KMT5B: variants seen among roughly 807,000 people sequenced by gnomAD.
The protein encoded by KMT5B is histone-lysine N-methyltransferase KMT5B.
KMT5B carries 10 observed loss-of-function variants against 83.2 expected under a neutral mutation model. That is an observed-to-expected ratio of 0.12 (90% CI 0.07 to 0.20). The LOEUF is 0.20. KMT5B is among the 10% of genes least tolerant of loss of function. The probability of loss-of-function intolerance (pLI) is 1.00; values close to 1 mark genes in which losing one functional copy is unlikely to be tolerated. For synonymous variants in KMT5B, 349 were observed against 388.8 expected (o/e 0.90, Z 1.20); for missense variants, 753 against 1,067.2 (o/e 0.71, Z 4.10).
At chr11:68,168,969 G>A (rs191951819) in intron 9 of KMT5B, among the ~76,000 whole-genome samples, 1 of 152,288 alleles carries the variant, frequency 6.6e-6, no homozygotes, top group Admixed American at 6.5e-5. Flanking sequence ...TGAGCTCCTA[G>A]ATGCATCTTC....
chr11:68,207,716 A>T (rs1860312763), intron 1 of KMT5B, among the ~76,000 whole-genome samples: 1 of 147,624 alleles, frequency 6.8e-6, no homozygotes, highest in African/African-American at 2.5e-5. Flanking sequence ...GCTTGAACCC[A>T]GGAGGCAGAG....
intron 10 of KMT5B, among the ~76,000 whole-genome samples, chr11:68,164,994 T>C (rs1054183580): frequency 3.3e-5 from 5 of 151,656 alleles, no homozygotes; most frequent in African/African-American, 1.2e-4. Context: ...TAAATATTAA[T>C]AGTTAAATAT....
At chr11:68,181,423 T>C (rs1349746651) in intron 3 of KMT5B, among the ~76,000 whole-genome samples, 29 of 152,076 alleles carry the variant, frequency 1.9e-4, no homozygotes, top group Non-Finnish European at 7.4e-5. Flanking sequence ...CTGAAAGAAG[T>C]AAAAGGAAGG....
intron 1 of KMT5B, among the ~76,000 whole-genome samples, chr11:68,210,088 A>C (rs994092606): frequency 5.3e-5 from 8 of 151,832 alleles, no homozygotes; most frequent in Non-Finnish European, 1.2e-4. Flanking sequence ...CTCGTGATCC[A>C]CCCGCCTCGG....
At chr11:68,194,056 C>T (rs1858408563) in intron 1 of KMT5B, among the ~76,000 whole-genome samples, 1 of 152,026 alleles carries the variant, frequency 6.6e-6, no homozygotes, top group African/African-American at 2.4e-5. Context: ...CTTGGATCCC[C>T]AGCAGTTTTG....
chr11:68,206,707 C>T (rs1017126824), intron 1 of KMT5B, among the ~76,000 whole-genome samples: 5 of 152,102 alleles, frequency 3.3e-5, no homozygotes, highest in African/African-American at 1.2e-4. Flanking sequence ...TTCCAAGTAA[C>T]TAAGGCAAAA....
rs1416701173 is a variant in KMT5B, at chr11:68,167,163, A to T, written c.993T>A (p.Ala331=). The T allele has an allele frequency of 6.2e-7, 1 of 1,611,578 alleles. No homozygotes were observed. Among genetic ancestry groups the T allele is most frequent in the African/African-American group, 1.3e-5 (1 of 74,878 alleles). Residue 331 remains alanine (A), a synonymous_variant, in exon 10 of 11, where the codon GCT becomes GCA. Transcript: ENST00000304363. ...CAGGCAGTCCCACTCTGGATTTAAAAGCACCAGTGCCCCGTCTGAAAGAGA... is the reference window on the plus strand; with the variant it reads ...CAGGCAGTCCCACTCTGGATTTAAATGCACCAGTGCCCCGTCTGAAAGAGA... The part of the protein sequence containing the change: ...CYTCERRGTG[A]FKSRVGLPAP...
intron 4 of KMT5B, among the ~76,000 whole-genome samples, 188 bp from the exon 5 acceptor site, chr11:68,175,371 A>G (rs1856254505): frequency 2.0e-5 from 3 of 152,234 alleles, no homozygotes; most frequent in South Asian, 4.1e-4. Flanking sequence ...GATCACCTGG[A>G]TACGCAAGTT....
chr11:68,178,415 C>T (rs1213642695), intron 4 of KMT5B, among the ~76,000 whole-genome samples: 1 of 152,178 alleles, frequency 6.6e-6, no homozygotes, highest in East Asian at 1.9e-4. Context: ...AGTATTCTGC[C>T]TACCTTCCCT....
Position 68,157,717 on chromosome 11 carries a change from C to A in KMT5B, c.2629G>T (p.Glu877Ter). The A allele has an allele frequency of 6.3e-7, 1 of 1,598,668 alleles. No homozygotes were observed. Among genetic ancestry groups the A allele is most frequent in the Non-Finnish European group, 8.5e-7 (1 of 1,172,160 alleles). Residue 877 changes from glutamate to a stop codon, truncating the protein, a stop_gained, in exon 11 of 11, where the codon GAA (glutamate) becomes TAA (stop). Coordinates refer to ENST00000304363, the MANE Select transcript of KMT5B (RefSeq NM_017635.5). LOFTEE classifies it high-confidence loss of function. ...IDIDISSRRR[E>*]DQSLRLNA ...GCATTAAGCCTTAAAGACTGATCTT[C>A]TCTTCTCCTTGAAGAAATGTCAATA...
rs957894607 is a variant in KMT5B, at chr11:68,173,923, G to A, written c.544-10C>T. ...GCAAATAAATAAATACCTAAAACAGGAAAAAAAAATTGATAATGACTTTAA... is the reference window on the plus strand; with the variant it reads ...GCAAATAAATAAATACCTAAAACAGAAAAAAAAAATTGATAATGACTTTAA... On this transcript the variant is annotated splice_polypyrimidine_tract_variant and intron_variant, in intron 5 of 10. Transcript: ENST00000304363. 1.7e-5 allele frequency: 25 copies of A among 1,460,708 alleles called. No individual in the cohort carries two copies. Among genetic ancestry groups the A allele is most frequent in the Middle Eastern group, 1.8e-4 (1 of 5,602 alleles). 90.5% of individuals were successfully genotyped at this position (1,460,708 alleles called of 1,614,324 possible). A position where few individuals can be genotyped will look rare whatever the true frequency, so the allele number is the denominator to read the frequency against.
chr11:68,205,180 T>C (rs1346907551), intron 1 of KMT5B, among the ~76,000 whole-genome samples: 2 of 151,246 alleles, frequency 1.3e-5, no homozygotes, highest in South Asian at 2.1e-4. Context: ...TAGCCAGTTG[T>C]GCTGCTGCGC....
At chr11:68,162,382 C>A (rs974675526) in intron 10 of KMT5B, among the ~76,000 whole-genome samples, 1 of 152,172 alleles carries the variant, frequency 6.6e-6, no homozygotes, top group Non-Finnish European at 1.5e-5. Context: ...TCAAACTCCC[C>A]TCTGTCTATA....
In KMT5B at chr11:68,155,352, G is replaced by A. The variant is rs900364379; in HGVS notation, c.*2336C>T. On this transcript the variant is annotated 3_prime_UTR_variant, in exon 11 of 11. Transcript: ENST00000304363. ...TGAGTGCTTGTGCATACCGACTCCT[G>A]AGAGGCAGTGATTTACTACCAAATG... The A allele has an allele frequency of 1.3e-5, 2 of 152,158 alleles. No homozygotes were observed. Among genetic ancestry groups the A allele is most frequent in the African/African-American group, 4.8e-5 (2 of 41,422 alleles). 9.4% of individuals were successfully genotyped at this position (152,158 alleles called of 1,614,324 possible).
chr11:68,167,928 T>C (rs1430951640), intron 9 of KMT5B, among the ~76,000 whole-genome samples: 1 of 152,082 alleles, frequency 6.6e-6, no homozygotes, highest in Non-Finnish European at 1.5e-5. Context: ...TCCCAGCACG[T>C]TGGGAGGCTG....
chr11:68,199,847 G>A (rs1274745546), intron 1 of KMT5B, among the ~76,000 whole-genome samples: 1 of 152,196 alleles, frequency 6.6e-6, no homozygotes, highest in African/African-American at 2.4e-5. Flanking sequence ...GGGAACTGCT[G>A]ACAGATTGAA....
chr11:68,163,993 G>A (rs1192233772), intron 10 of KMT5B, among the ~76,000 whole-genome samples: 1 of 152,066 alleles, frequency 6.6e-6, no homozygotes, highest in East Asian at 1.9e-4. Context: ...TTCACAGACC[G>A]CTCGCGAGCC....
At position 68,171,114 on chromosome 11, in the gene KMT5B, G is replaced by A; in HGVS notation, c.878C>T (p.Ala293Val). The change falls in exon 9 of 11, where the codon GCT becomes GTT. Residue 293 changes from alanine (A) to valine (V), a missense_variant. Ala to Val is a moderately conservative substitution (Grantham distance 64). Transcript: ENST00000304363. The surrounding 1 kb of genome is among the most constrained non-coding windows in gnomAD (Gnocchi z 5.1). ...STGRDTACVK[A>V]LRDIEPGEEI... ...TTCTCCAGGTTCAATGTCTCTTAGA[G>A]CCTTCACACATGCTGTATCTCGACC... 6.2e-7 allele frequency: 1 copy of A among 1,610,962 alleles called. No homozygotes were observed. The highest frequency in any genetic ancestry group is 1.7e-4 in the Middle Eastern group (1 of 6,054).
At chr11:68,212,823 C>G (rs1861099874) in intron 1 of KMT5B, 1 of 151,960 alleles carries the variant, frequency 6.6e-6, no homozygotes, top group African/African-American at 2.4e-5. Flanking sequence ...AAAGGGAAAA[C>G]AGAGTCCCCC....
Sources: allele counts gnomAD v4.1 joint callset (sites outside exome capture counted in the v4.1 genomes callset), GRCh38; gene constraint gnomAD v4.1.1; non-coding constraint Gnocchi (gnomAD v3.1); transcripts MANE v1.5; gene names NCBI Gene and HGNC (gene_info 2026-07-23, HGNC 2026-07-21).